Variants in TENM2 observed in about 807,000 individuals in gnomAD.
TENM2 encodes teneurin-2.
In TENM2, 52 loss-of-function variants were observed where a neutral mutation model predicts 245.2. The observed-to-expected ratio is 0.21, with a 90% CI of 0.17 to 0.27. TENM2 has a LOEUF of 0.27. Ranked by LOEUF, TENM2 falls within the 10% of genes least tolerant of loss-of-function variation. The pLI is 1.00. For synonymous variants in TENM2, 1,363 were observed against 1,438.9 expected, an observed-to-expected ratio of 0.95 and a Z score of 1.19; for missense variants, 3,046 against 3,666.8, an observed-to-expected ratio of 0.83 and a Z score of 4.37.
chr5:167,244,235 A>AT, the TENM2 span, among the ~76,000 whole-genome samples: 2 of 152,306 alleles, frequency 1.3e-5, no homozygotes, highest in East Asian at 3.9e-4. Context: ...TTTACATCAC[A>AT]TTTTAATGGC....
At chr5:167,441,979 G>T (rs1321551270) in intron 2 of TENM2, among the ~76,000 whole-genome samples, 10 of 152,046 alleles carry the variant, frequency 6.6e-5, no homozygotes, top group African/African-American at 1.2e-4. Context: ...TGGGCCTCGG[G>T]TTTTTGCTTT....
At chr5:167,333,709 A>T (rs1391279957) in intron 1 of TENM2, among the ~76,000 whole-genome samples, 1 of 152,048 alleles carries the variant, frequency 6.6e-6, no homozygotes, top group Non-Finnish European at 1.5e-5. Flanking sequence ...CTCCAGGGGG[A>T]AGGATGGGGA....
intron 1 of TENM2, among the ~76,000 whole-genome samples, chr5:167,311,781 C>G (rs1048481425): frequency 6.6e-6 from 1 of 152,028 alleles, no homozygotes; most frequent in African/African-American, 2.4e-5. Flanking sequence ...ATCAAAAATG[C>G]TTTTTAAGAC....
chr5:167,702,864 C>T (rs1333898283), intron 2 of TENM2, among the ~76,000 whole-genome samples: 1 of 152,034 alleles, frequency 6.6e-6, no homozygotes, highest in African/African-American at 2.4e-5. Context: ...GGTGTTTCAC[C>T]ATGTTGGCCA....
intron 2 of TENM2, among the ~76,000 whole-genome samples, chr5:167,427,604 G>GAAGGA (rs1763923021): frequency 1.2e-5 from 1 of 86,582 alleles, no homozygotes; most frequent in African/African-American, 6.9e-5. Context: ...GAAGGGACGG[G>GAAGGA]AGGGAAGGAA....
chr5:168,234,086 G>A (rs1441509188), intron 25 of TENM2, among the ~76,000 whole-genome samples: 2 of 152,136 alleles, frequency 1.3e-5, no homozygotes, highest in African/African-American at 4.8e-5. Flanking sequence ...TCCCATGGCA[G>A]GGTTTCTCTC....
intron 1 of TENM2, among the ~76,000 whole-genome samples, chr5:167,345,011 G>T (rs926564814): frequency 2.0e-5 from 3 of 152,208 alleles, no homozygotes; most frequent in African/African-American, 7.2e-5. Flanking sequence ...GGCAGAGAGA[G>T]AATCTCTGCT....
intron 3 of TENM2, among the ~76,000 whole-genome samples, chr5:167,900,126 AAAAAAAAGG>A (rs1775571299): frequency 8.2e-6 from 1 of 121,272 alleles, no homozygotes; most frequent in African/African-American, 3.4e-5. Context: ...AAAAAAAAAA[AAAAAAAAGG>A]GGGGGGGGGT....
chr5:167,319,702 G>T (rs1756598599), intron 1 of TENM2, among the ~76,000 whole-genome samples: 1 of 152,186 alleles, frequency 6.6e-6, no homozygotes, highest in Non-Finnish European at 1.5e-5. Flanking sequence ...AGTGATTTCT[G>T]CTATGCCATG....
At chr5:168,052,440 G>GTATA (rs556422610) in intron 6 of TENM2, among the ~76,000 whole-genome samples, 201 of 149,964 alleles carry the variant, frequency 1.3e-3, no homozygotes, top group African/African-American at 4.5e-3. Context: ...GTATGTATGT[G>GTATA]TATATATATA....
intron 5 of TENM2, among the ~76,000 whole-genome samples, chr5:168,025,978 G>A (rs990985046): frequency 5.3e-5 from 8 of 152,164 alleles, no homozygotes; most frequent in African/African-American, 1.2e-4. Flanking sequence ...GCTCACTTGC[G>A]ATGGGGAACT....
At chr5:167,510,160 T>G (rs1769840784) in intron 2 of TENM2, among the ~76,000 whole-genome samples, 1 of 152,234 alleles carries the variant, frequency 6.6e-6, no homozygotes, top group African/African-American at 2.4e-5. Context: ...TTAAATATAC[T>G]GAAATATAAA....
At chr5:167,648,375 G>A (rs1224259117) in intron 2 of TENM2, among the ~76,000 whole-genome samples, 1 of 152,110 alleles carries the variant, frequency 6.6e-6, no homozygotes, top group African/African-American at 2.4e-5. Flanking sequence ...TTGTTGATAT[G>A]CAAAAGAAGG....
intron 1 of TENM2, among the ~76,000 whole-genome samples, chr5:167,318,288 A>G (rs1023495485): frequency 2.6e-5 from 4 of 152,156 alleles, no homozygotes; most frequent in African/African-American, 9.7e-5. Flanking sequence ...GAAATTAACC[A>G]TTTCAGAATA....
intron 2 of TENM2, among the ~76,000 whole-genome samples, chr5:167,551,973 C>A (rs959087774): frequency 6.6e-6 from 1 of 152,122 alleles, no homozygotes; most frequent in Non-Finnish European, 1.5e-5. Context: ...GTTAACAGCT[C>A]CTTGGCAATT....
intron 2 of TENM2, among the ~76,000 whole-genome samples, chr5:167,399,103 G>A (rs1351376766): frequency 6.6e-6 from 1 of 152,120 alleles, no homozygotes. Context: ...CTGGGAACCT[G>A]TCACAAGCGG....
intron 2 of TENM2, among the ~76,000 whole-genome samples, chr5:167,376,723 C>T (rs553677375): frequency 6.6e-6 from 1 of 152,232 alleles, no homozygotes; most frequent in East Asian, 1.9e-4. Context: ...CTGTACTTGA[C>T]TCCTTTTGAA....
chr5:167,253,831 C>G, the TENM2 span, among the ~76,000 whole-genome samples: 1 of 151,828 alleles, frequency 6.6e-6, no homozygotes, highest in East Asian at 1.9e-4. Flanking sequence ...TAGTAACAAC[C>G]TAAATTTGTT....
chr5:167,201,689 A>C, the TENM2 span, among the ~76,000 whole-genome samples: 2 of 152,180 alleles, frequency 1.3e-5, no homozygotes, highest in African/African-American at 4.8e-5. Context: ...GATTGGCTCC[A>C]GAGGCTCTTT....
Sources: allele counts gnomAD v4.1 joint callset (sites outside exome capture counted in the v4.1 genomes callset), GRCh38; gene constraint gnomAD v4.1.1; transcripts MANE v1.5; gene names NCBI Gene and HGNC (gene_info 2026-07-23, HGNC 2026-07-21).